RFX2: variants seen among roughly 807,000 people sequenced by gnomAD.
The protein encoded by RFX2 is regulatory factor X2.
In RFX2, 20 loss-of-function variants were observed where a neutral mutation model predicts 87.8. The ratio of observed to expected loss-of-function variants is 0.23; its 90% CI spans 0.16 to 0.33. The LOEUF is 0.33. RFX2 is among the 10% of genes least tolerant of loss of function. RFX2 has a pLI of 1.00. For missense variants in RFX2, 767 were observed against 1,012.3 expected (o/e 0.76, Z 3.29); for synonymous variants, 397 against 431.3 (o/e 0.92, Z 0.98).
chr19:6,065,614 C>A (rs1411183940), intron 1 of RFX2, among the ~76,000 whole-genome samples: 1 of 151,006 alleles, frequency 6.6e-6, no homozygotes, highest in Admixed American at 6.6e-5. Flanking sequence ...ACTCTGTCTC[C>A]AAAAAAAACA....
At chr19:6,081,035 CAAAA>C (rs537462734) in intron 1 of RFX2, among the ~76,000 whole-genome samples, 8 of 89,700 alleles carry the variant, frequency 8.9e-5, no homozygotes, top group African/African-American at 2.3e-4. Context: ...GACTCCATCT[CAAAA>C]AAAAAAAAAA....
At chr19:6,019,236 G>T (rs554039127) in intron 6 of RFX2, among the ~76,000 whole-genome samples, 1 of 152,300 alleles carries the variant, frequency 6.6e-6, no homozygotes, top group South Asian at 2.1e-4. Flanking sequence ...AGAAGGGCCC[G>T]GAGTGGAGAC....
chr19:6,033,676 C>T (rs2144749535), intron 5 of RFX2, among the ~76,000 whole-genome samples: 1 of 141,090 alleles, frequency 7.1e-6, no homozygotes, highest in African/African-American at 2.7e-5. Flanking sequence ...TAGGATCACA[C>T]ACTTGCCAGA....
At chr19:6,041,745 G>T (rs2087110857) in intron 4 of RFX2, among the ~76,000 whole-genome samples, 1 of 150,850 alleles carries the variant, frequency 6.6e-6, no homozygotes, top group South Asian at 2.1e-4. Context: ...ACAGGGTGTT[G>T]CTCCATCAGT....
chr19:6,051,668 T>C (rs983386232), intron 1 of RFX2, among the ~76,000 whole-genome samples: 3 of 152,164 alleles, frequency 2.0e-5, no homozygotes, highest in African/African-American at 7.2e-5. Context: ...AATGGCAGAA[T>C]TGCTTTGCTA....
rs1229516323 is a variant in RFX2 at position 6,045,335 on chromosome 19, G to A, written c.91-1053C>T. On this transcript the variant is annotated intron_variant, in intron 2 of 17. Coordinates refer to ENST00000303657, the MANE Select transcript of RFX2 (RefSeq NM_000635.4). This position sits in a 1 kb window ranked among gnomAD's most constrained non-coding sequence, Gnocchi z 5.2. ...GAAACCTGGGACACACATGGTGGCC[G>A]TGAGTGGCACTGAGACCTGTCCATG... 2.6e-5 allele frequency among the ~76,000 whole-genome samples: 4 copies of A among 152,186 alleles called. No homozygotes were observed. The highest frequency in any genetic ancestry group is 7.2e-5 in the African/African-American group (3 of 41,454).
At chr19:6,097,810 T>G (rs762498566) in intron 1 of RFX2, among the ~76,000 whole-genome samples, 7 of 152,178 alleles carry the variant, frequency 4.6e-5, no homozygotes, top group Non-Finnish European at 1.0e-4. Context: ...CTTGAATTCC[T>G]GGCCTCAAGC....
intron 5 of RFX2, among the ~76,000 whole-genome samples, chr19:6,029,868 A>C (rs1438906127): frequency 6.6e-6 from 1 of 152,202 alleles, no homozygotes; most frequent in Non-Finnish European, 1.5e-5. Flanking sequence ...GAGGTTCAAC[A>C]GCAGATTTGA....
chr19:6,002,876 A>C lies in RFX2; in HGVS notation c.1501-6T>G, dbSNP rs747580156. On this transcript the variant is annotated splice_polypyrimidine_tract_variant and splice_region_variant and intron_variant, in intron 13 of 17. Transcript: ENST00000303657. This position sits in a 1 kb window ranked among gnomAD's most constrained non-coding sequence, Gnocchi z 6.7. ...AAGGCACTGACGACGCCCACCTGTA[A>C]GCCAGGGCTCGTGGTGAGCAGGGGT... 6.2e-7 allele frequency: 1 copy of C among 1,602,580 alleles called. No homozygotes were observed. The highest frequency in any genetic ancestry group is 8.5e-7 in the Non-Finnish European group (1 of 1,176,882).
At position 6,012,962 on chromosome 19, in the gene RFX2, C is replaced by G. The variant is rs780885926; in HGVS notation, c.899+24G>C. ...CCATGCTCCAGGGGAGAGCCAGCTC[C>G]TCCCAGCTCGGCCCGGCACCCACCT... On this transcript the variant is annotated intron_variant, in intron 8 of 17. Transcript: ENST00000303657. The surrounding 1 kb of genome is among the most constrained non-coding windows in gnomAD (Gnocchi z 4.6). 1 of 1,495,556 alleles carries G rather than the reference C, an allele frequency of 6.7e-7. No individual in the cohort carries two copies. Among genetic ancestry groups the G allele is most frequent in the Non-Finnish European group, 8.9e-7 (1 of 1,121,636 alleles). 92.6% of individuals were successfully genotyped at this position (1,495,556 alleles called of 1,614,324 possible).
rs945769117 is a variant in RFX2 at position 6,045,557 on chromosome 19, A to G, written c.91-1275T>C. ...GATGGGCTTCCAAGACGCCCTCCCCACTGCCATATGTGCAAGAAATAAAAG... is the reference window on the plus strand; with the variant it reads ...GATGGGCTTCCAAGACGCCCTCCCCGCTGCCATATGTGCAAGAAATAAAAG... On this transcript the variant is annotated intron_variant, in intron 2 of 17. Coordinates refer to ENST00000303657, the MANE Select transcript of RFX2 (RefSeq NM_000635.4). This position sits in a 1 kb window ranked among gnomAD's most constrained non-coding sequence, Gnocchi z 5.2. 5.3e-5 allele frequency among the ~76,000 whole-genome samples: 8 copies of G among 152,194 alleles called. No homozygotes were observed. Among genetic ancestry groups the G allele is most frequent in the Non-Finnish European group, 1.2e-4 (8 of 68,012 alleles).
At chr19:6,037,334 G>T (rs1245165374) in intron 5 of RFX2, among the ~76,000 whole-genome samples, 1 of 146,780 alleles carries the variant, frequency 6.8e-6, no homozygotes, top group Non-Finnish European at 1.5e-5. Flanking sequence ...CAGGATACAA[G>T]ATAAAGAGCC....
intron 1 of RFX2, among the ~76,000 whole-genome samples, chr19:6,087,438 G>A (rs1480718272): frequency 6.6e-6 from 1 of 152,204 alleles, no homozygotes; most frequent in East Asian, 1.9e-4. Context: ...AGCCCAGGAG[G>A]GAGATGCCTG....
chr19:6,002,848 G>A lies in RFX2; in HGVS notation c.1523C>T (p.Ala508Val). The change falls in exon 14 of 18, where the codon GCC becomes GTC. Residue 508 changes from alanine (A) to valine (V), a missense_variant. Ala to Val is a moderately conservative substitution (Grantham distance 64). This residue lies in a region of RFX2 where 621 missense variants were observed against 873.0 expected (regional missense o/e 0.71). Transcript: ENST00000303657. The surrounding 1 kb of genome is among the most constrained non-coding windows in gnomAD (Gnocchi z 6.7). ...GGACGTGTAGCGCCGCAGCGTCTGG[G>A]CGAAGGCACTGACGACGCCCACCTG... ...QTKVGVVSAFAQTLRRYTSLN... is the reference protein window; with the variant it reads ...QTKVGVVSAFVQTLRRYTSLN... 6.2e-7 allele frequency: 1 copy of A among 1,610,934 alleles called. No homozygotes were observed. The highest frequency in any genetic ancestry group is 8.5e-7 in the Non-Finnish European group (1 of 1,179,336).
chr19:6,041,722 C>CT (rs974953549), intron 4 of RFX2, among the ~76,000 whole-genome samples: 12 of 146,944 alleles, frequency 8.2e-5, no homozygotes, highest in Non-Finnish European at 9.1e-5. Context: ...CACCCCGCTC[C>CT]TTTTTTTTTT....
At chr19:6,005,681 G>A (rs1218052253) in intron 12 of RFX2, among the ~76,000 whole-genome samples, 5 of 152,206 alleles carry the variant, frequency 3.3e-5, no homozygotes, top group Admixed American at 3.3e-4. Context: ...GGGTGTAAAT[G>A]TCTCCTGGAA....
chr19:6,028,489 A>G (rs76454064), intron 5 of RFX2, among the ~76,000 whole-genome samples: 2,607 of 152,346 alleles, frequency 0.017, 39 homozygotes, highest in Middle Eastern at 0.027. Flanking sequence ...GGTTAGCTGC[A>G]ATGTGGAATC....
intron 5 of RFX2, among the ~76,000 whole-genome samples, chr19:6,029,131 A>G (rs539236242): frequency 1.1e-4 from 17 of 152,176 alleles, no homozygotes; most frequent in Admixed American, 9.2e-4. Flanking sequence ...GTCATGAAAC[A>G]AACGATCAAC....
chr19:6,039,007 A>C lies in RFX2; in HGVS notation c.522+973T>G, dbSNP rs1451345953. Among the ~76,000 whole-genome samples the C allele has an allele frequency of 1.3e-5, 2 of 152,230 alleles. No individual in the cohort carries two copies. The highest frequency in any genetic ancestry group is 2.4e-5 in the African/African-American group (1 of 41,460). ...AGAAAGAAAACATATGTCCTTACAA[A>C]AGCCTGCATGTGAAACTTAGAGCTT... On this transcript the variant is annotated intron_variant, in intron 5 of 17. Transcript: ENST00000303657. The surrounding 1 kb of genome is among the most constrained non-coding windows in gnomAD (Gnocchi z 5.2).
Sources: gnomAD v4.1 joint callset for allele counts (sites outside exome capture counted in the v4.1 genomes callset) on GRCh38, gnomAD v4.1.1 for gene constraint, gnomAD v4.1.1 regional missense constraint, Gnocchi (gnomAD v3.1) non-coding constraint, MANE v1.5 for transcripts, NCBI Gene and HGNC (gene_info 2026-07-23, HGNC 2026-07-21) for gene names.